ZC3H8: variants seen among roughly 807,000 people sequenced by gnomAD.
ZC3H8 encodes the protein zinc finger CCCH domain-containing protein 8.
ZC3H8 carries 27 observed loss-of-function variants against 42.5 expected under a neutral mutation model. The observed-to-expected ratio is 0.64, with a 90% confidence interval of 0.47 to 0.88. The LOEUF is 0.88. ZC3H8 is among the 40% of genes least tolerant of loss of function. ZC3H8 has a pLI of 0.00. For missense variants in ZC3H8, 277 were observed against 336.1 expected, an observed-to-expected ratio of 0.82 and a Z score of 1.37; for synonymous variants, 101 against 110.1, an observed-to-expected ratio of 0.92 and a Z score of 0.52.
intron 1 of ZC3H8, chr2:112,254,242 G>T (rs1261955713): frequency 1.3e-6 from 1 of 783,990 alleles, no homozygotes; most frequent in Non-Finnish European, 1.5e-6. Context: ...AAAGATGGTG[G>T]TTTTTAGCAT....
In ZC3H8 at chr2:112,234,227, G is replaced by T. The variant is rs1456501288; in HGVS notation, c.514C>A (p.Pro172Thr). ...NSGSQEEDGK[P>T]KEKQQHLSQA... ...CTCAAATGCTGCTGCTTCTCTTTAG[G>T]TTTACCATCCTTTAAAAACAAAAAC... Residue 172 changes from proline to threonine, a missense_variant, in exon 5 of 9, where the codon CCT becomes ACT. Pro to Thr is a conservative substitution (Grantham distance 38). Transcript: ENST00000409573. The T allele has an allele frequency of 1.3e-6, 2 of 1,597,760 alleles. No individual in the cohort carries two copies. Among genetic ancestry groups the T allele is most frequent in the South Asian group, 2.3e-5 (2 of 86,858 alleles).
intron 8 of ZC3H8, 78 bp downstream of exon 8, chr2:112,230,824 GA>G: frequency 1.2e-6 from 1 of 865,668 alleles, no homozygotes; most frequent in Non-Finnish European, 1.6e-6. Context: ...TTCTATTTGA[GA>G]ACCCTATTGA....
At chr2:112,222,501 G>GAC (rs1297954724) in intron 8 of ZC3H8, among the ~76,000 whole-genome samples, 1 of 152,172 alleles carries the variant, frequency 6.6e-6, no homozygotes, top group African/African-American at 2.4e-5. Context: ...GAATCTTGAG[G>GAC]ACATTATGCT....
intron 8 of ZC3H8, among the ~76,000 whole-genome samples, chr2:112,217,312 G>C (rs1684369210): frequency 6.6e-6 from 1 of 152,150 alleles, no homozygotes; most frequent in South Asian, 2.1e-4. Context: ...CAGAGAGGTT[G>C]CAGTGAGCAA....
At chr2:112,224,916 CAT>C (rs1684750260) in intron 8 of ZC3H8, among the ~76,000 whole-genome samples, 1 of 152,168 alleles carries the variant, frequency 6.6e-6, no homozygotes, top group Non-Finnish European at 1.5e-5. Context: ...TGGTTATACA[CAT>C]GTCAAAACTC....
intron 2 of ZC3H8, among the ~76,000 whole-genome samples, chr2:112,249,137 A>C (rs778516347): frequency 2.0e-5 from 3 of 152,202 alleles, no homozygotes; most frequent in Non-Finnish European, 2.9e-5. Context: ...AGGAGGTTGC[A>C]GTGAGCAGAG....
intron 8 of ZC3H8, among the ~76,000 whole-genome samples, chr2:112,217,034 A>G (rs1049931291): frequency 4.0e-4 from 61 of 152,336 alleles, no homozygotes; most frequent in Admixed American, 1.8e-3. Flanking sequence ...ACCCAACTAC[A>G]TATGTTCCAT....
chr2:112,229,458 C>T (rs1303783571), intron 8 of ZC3H8, among the ~76,000 whole-genome samples: 1 of 152,206 alleles, frequency 6.6e-6, no homozygotes, highest in African/African-American at 2.4e-5. Context: ...ATATGACTTA[C>T]TTTAGCCAAT....
At chr2:112,236,208 G>A (rs1193564194) in intron 4 of ZC3H8, among the ~76,000 whole-genome samples, 3 of 152,046 alleles carry the variant, frequency 2.0e-5, no homozygotes, top group Admixed American at 2.0e-4. Context: ...AGCTTGCAGT[G>A]AGCCGAGATC....
chr2:112,232,493 AAT>A (rs1053416895), intron 6 of ZC3H8, among the ~76,000 whole-genome samples: 2 of 152,086 alleles, frequency 1.3e-5, no homozygotes, highest in African/African-American at 4.8e-5. Flanking sequence ...CCATTCTTAT[AAT>A]AGAGTACAGG....
intron 2 of ZC3H8, among the ~76,000 whole-genome samples, chr2:112,243,393 T>C (rs541861261): frequency 1.3e-5 from 2 of 152,232 alleles, no homozygotes; most frequent in East Asian, 1.9e-4. Context: ...GCAATGTATA[T>C]GCTCAATTAA....
chr2:112,246,447 C>T (rs1456432701), intron 2 of ZC3H8, among the ~76,000 whole-genome samples: 1 of 152,056 alleles, frequency 6.6e-6, no homozygotes, highest in Non-Finnish European at 1.5e-5. Context: ...TAAGAACATT[C>T]GTGATTCATG....
intron 6 of ZC3H8, among the ~76,000 whole-genome samples, chr2:112,232,435 C>T (rs190823099): frequency 1.9e-4 from 29 of 151,764 alleles, no homozygotes; most frequent in African/African-American, 4.8e-4. Flanking sequence ...GGACTACATA[C>T]GTAAATCAAG....
intron 4 of ZC3H8, among the ~76,000 whole-genome samples, chr2:112,234,899 A>G (rs1034898750): frequency 1.3e-5 from 2 of 152,178 alleles, no homozygotes; most frequent in Non-Finnish European, 2.9e-5. Flanking sequence ...ACAAAGTTGG[A>G]AATCAGAGTG....
chr2:112,247,477 G>A (rs898041025), intron 2 of ZC3H8, among the ~76,000 whole-genome samples: 1 of 152,220 alleles, frequency 6.6e-6, no homozygotes, highest in Non-Finnish European at 1.5e-5. Context: ...TACTCGGGAG[G>A]CTGAGGCAGG....
At chr2:112,249,154 C>G (rs550703414) in intron 2 of ZC3H8, among the ~76,000 whole-genome samples, 26 of 152,200 alleles carry the variant, frequency 1.7e-4, no homozygotes, top group African/African-American at 5.8e-4. Flanking sequence ...AGAGATTGTG[C>G]CACTGCACTC....
At chr2:112,235,964 G>T (rs1026018893) in intron 4 of ZC3H8, among the ~76,000 whole-genome samples, 2 of 147,992 alleles carry the variant, frequency 1.4e-5, no homozygotes, top group Non-Finnish European at 3.0e-5. Flanking sequence ...AAATCAAGGA[G>T]TGACCAGGCA....
intron 1 of ZC3H8, among the ~76,000 whole-genome samples, chr2:112,251,602 C>T (rs757078470): frequency 6.1e-4 from 93 of 152,192 alleles, no homozygotes; most frequent in Admixed American, 5.2e-4. Flanking sequence ...GCTCCATACA[C>T]GTAACACTTA....
intron 7 of ZC3H8, among the ~76,000 whole-genome samples, chr2:112,231,288 G>A (rs749884908): frequency 1.3e-5 from 2 of 152,000 alleles, no homozygotes; most frequent in Non-Finnish European, 2.9e-5. Context: ...TCGTATGGTT[G>A]GCTTCAAAAG....
Sources: allele counts gnomAD v4.1 joint callset (sites outside exome capture counted in the v4.1 genomes callset), GRCh38; gene constraint gnomAD v4.1.1; transcripts MANE v1.5; gene names NCBI Gene and HGNC (gene_info 2026-07-23, HGNC 2026-07-21).